The following MED12L variants were observed in gnomAD, a reference collection of about 807,000 sequenced individuals.
MED12L encodes the protein mediator of RNA polymerase II transcription subunit 12-like protein.
A neutral mutation model predicts 281.3 loss-of-function variants in MED12L; 60 were observed. The ratio of observed to expected loss-of-function variants is 0.21; its 90% confidence interval spans 0.17 to 0.26. MED12L has a LOEUF of 0.26. Among genes scored for constraint, MED12L ranks in the 10% least tolerant of loss-of-function variants. MED12L has a pLI of 1.00. For missense variants in MED12L, 2,146 were observed against 2,680.9 expected, an observed-to-expected ratio of 0.80 and a Z score of 4.41; for synonymous variants, 974 against 987.2, an observed-to-expected ratio of 0.99 and a Z score of 0.25.
chr3:151,090,031 C>T (rs923060707), intron 2 of MED12L, among the ~76,000 whole-genome samples: 6 of 152,156 alleles, frequency 3.9e-5, no homozygotes, highest in African/African-American at 1.4e-4. Context: ...TTCCCCAGGG[C>T]TCCTGCATAT....
chr3:151,184,155 T>C (rs977206958), intron 11 of MED12L, among the ~76,000 whole-genome samples: 4 of 152,224 alleles, frequency 2.6e-5, no homozygotes, highest in African/African-American at 9.6e-5. Flanking sequence ...TGAGTAACCA[T>C]GTGTTTAAAT....
intron 16 of MED12L, among the ~76,000 whole-genome samples, chr3:151,333,534 A>G (rs1402303591): frequency 6.6e-6 from 1 of 152,212 alleles, no homozygotes; most frequent in African/African-American, 2.4e-5. Context: ...ACATAAATTT[A>G]CCATAGTTAA....
chr3:151,386,006 C>G (rs1713286115), intron 36 of MED12L, among the ~76,000 whole-genome samples: 1 of 151,824 alleles, frequency 6.6e-6, no homozygotes, highest in Admixed American at 6.6e-5. Context: ...TGACATGGTA[C>G]AGAGAGAGTA....
At chr3:151,286,558 A>T (rs1199705695) in intron 16 of MED12L, among the ~76,000 whole-genome samples, 2 of 152,186 alleles carry the variant, frequency 1.3e-5, no homozygotes, top group Middle Eastern at 3.2e-3. Context: ...AGGGGTTCAC[A>T]GTTTGTGTTA....
intron 16 of MED12L, among the ~76,000 whole-genome samples, chr3:151,201,691 T>G (rs1725615440): frequency 6.6e-6 from 1 of 152,256 alleles, no homozygotes; most frequent in Admixed American, 6.5e-5. Flanking sequence ...CTCCAGGCTT[T>G]ACCGATGTCC....
At chr3:151,243,988 T>G (rs1734804051) in intron 16 of MED12L, among the ~76,000 whole-genome samples, 1 of 140,934 alleles carries the variant, frequency 7.1e-6, no homozygotes, top group Non-Finnish European at 1.6e-5. Context: ...TAAAACAGAC[T>G]TTAAACCAAC....
chr3:151,242,310 C>T (rs56253824), intron 16 of MED12L, among the ~76,000 whole-genome samples: 67,936 of 152,020 alleles, frequency 0.45, 15,984 homozygotes, highest in Middle Eastern at 0.61. Flanking sequence ...TAGGCTCCAC[C>T]TCTGGGGGCA....
chr3:151,294,022 A>C, intron 16 of MED12L: 1 of 646,590 alleles, frequency 1.5e-6, no homozygotes, highest in Admixed American at 2.8e-5. Flanking sequence ...GCTATGCTTT[A>C]ATGTTTTCCT....
chr3:151,337,900 G>A (rs375416739), intron 16 of MED12L: 2 of 1,613,896 alleles, frequency 1.2e-6, no homozygotes, highest in African/African-American at 2.7e-5. Flanking sequence ...GCAGAATTGG[G>A]GCACTTCAGC....
rs902235217 is a variant in MED12L at position 151,165,670 on chromosome 3, G to C, written c.1357+151G>C. 12 of 926,730 alleles carry C rather than the reference G, an allele frequency of 1.3e-5. No individual in the cohort carries two copies. In the Admixed American group the frequency reaches 2.7e-4, roughly 20 times the overall value. 57.4% of individuals were successfully genotyped at this position (926,730 alleles called of 1,614,324 possible). A position where few individuals can be genotyped will look rare whatever the true frequency, so the allele number is the denominator to read the frequency against. ...GACAATCTTCAGTTTATGCCTTTTA[G>C]ATCCTGGCTGTCTAGAATGTCAAGT... is the stretch of plus-strand genomic sequence containing the variant. On this transcript the variant is annotated intron_variant, in intron 10 of 44. Transcript: ENST00000687756.
chr3:151,310,211 C>G (rs1480513966), intron 16 of MED12L, among the ~76,000 whole-genome samples: 1 of 152,156 alleles, frequency 6.6e-6, no homozygotes, highest in Non-Finnish European at 1.5e-5. Flanking sequence ...TAAAAGACAG[C>G]TAGTATGTCT....
intron 16 of MED12L, among the ~76,000 whole-genome samples, chr3:151,287,269 A>G (rs899390620): frequency 3.9e-5 from 6 of 152,318 alleles, no homozygotes; most frequent in Middle Eastern, 3.4e-3. Flanking sequence ...AGATGGCACA[A>G]AGTAAGAGGT....
At chr3:151,164,073 T>A in intron 9 of MED12L, 31 bp downstream of exon 9, 1 of 1,606,306 alleles carries the variant, frequency 6.2e-7, no homozygotes, top group Non-Finnish European at 8.5e-7. Context: ...ATTTGATGGC[T>A]GTTTTCATTC....
chr3:151,253,746 CTT>C (rs1559943042), intron 16 of MED12L, among the ~76,000 whole-genome samples: 1 of 152,012 alleles, frequency 6.6e-6, no homozygotes, highest in Non-Finnish European at 1.5e-5. Flanking sequence ...GGGCAGGTGA[CTT>C]TTTTGCAGCC....
In MED12L at chr3:151,086,810, C is replaced by T. The variant is rs2148585178; in HGVS notation, c.-117C>T. ...CTCCTGCCTGCAGCGCCACAGCGAG[C>T]GAGCGAGCGAGGAGGGGGAGAGAGG... On this transcript the variant is annotated 5_prime_UTR_variant, in exon 2 of 45. Transcript: ENST00000687756. The T allele has an allele frequency of 9.2e-6, 7 of 762,286 alleles. No individual in the cohort carries two copies. The highest frequency in any genetic ancestry group is 5.9e-5 in the South Asian group (3 of 51,282). The allele number at this position is 762,286 out of a possible 1,614,324, so 47.2% of individuals were successfully genotyped here.
intron 17 of MED12L, among the ~76,000 whole-genome samples, chr3:151,352,822 C>T (rs1443553460): frequency 6.6e-6 from 1 of 151,798 alleles, no homozygotes; most frequent in African/African-American, 2.4e-5. Flanking sequence ...ACTATGACAA[C>T]CTTTAAGAGG....
At chr3:151,368,586 A>AT (rs1295459593) in intron 25 of MED12L, among the ~76,000 whole-genome samples, 1 of 120,732 alleles carries the variant, frequency 8.3e-6, no homozygotes, top group Non-Finnish European at 1.8e-5. Flanking sequence ...GGCAATGGTG[A>AT]TTTATTTTAT....
chr3:151,279,984 T>G (rs1283241506), intron 16 of MED12L, among the ~76,000 whole-genome samples: 1 of 152,214 alleles, frequency 6.6e-6, no homozygotes, highest in Non-Finnish European at 1.5e-5. Flanking sequence ...CATGATAATT[T>G]GTTGCTTCTT....
intron 5 of MED12L, among the ~76,000 whole-genome samples, chr3:151,144,533 G>T (rs939593715): frequency 6.6e-6 from 1 of 152,032 alleles, no homozygotes; most frequent in Non-Finnish European, 1.5e-5. Context: ...CAGAGGCCTC[G>T]GCCCCCTGTT....
Sources: gnomAD v4.1 joint callset for allele counts (sites outside exome capture counted in the v4.1 genomes callset) on GRCh38, gnomAD v4.1.1 for gene constraint, MANE v1.5 for transcripts, NCBI Gene and HGNC (gene_info 2026-07-23, HGNC 2026-07-21) for gene names.